ASPM: variants seen among roughly 807,000 people sequenced by gnomAD.
ASPM encodes the protein assembly factor for spindle microtubules, also known as abnormal spindle-like microcephaly-associated protein.
In ASPM, 256 loss-of-function variants were observed where a neutral mutation model predicts 366.4. The ratio of observed to expected loss-of-function variants is 0.70; its 90% CI spans 0.63 to 0.77. The LOEUF (loss-of-function observed/expected upper bound fraction) is 0.77. Ranked by LOEUF, ASPM falls within the 30% of genes least tolerant of loss-of-function variation. The probability of loss-of-function intolerance (pLI) is 0.00; values close to 1 mark genes in which losing one functional copy is unlikely to be tolerated. For missense variants in ASPM, 4,146 were observed against 4,090.4 expected, an observed-to-expected ratio of 1.01 and a Z score of -0.37; for synonymous variants, 1,414 against 1,342.9, an observed-to-expected ratio of 1.05 and a Z score of -1.16.
At chr1:197,111,753 A>T (rs1301669065) in intron 17 of ASPM, among the ~76,000 whole-genome samples, 1 of 152,102 alleles carries the variant, frequency 6.6e-6, no homozygotes, top group African/African-American at 2.4e-5. Flanking sequence ...GCCAACAATC[A>T]TATGGAAAAA....
intron 4 of ASPM, among the ~76,000 whole-genome samples, chr1:197,137,873 C>T (rs1658469739): frequency 6.6e-6 from 1 of 152,146 alleles, no homozygotes; most frequent in African/African-American, 2.4e-5. Context: ...TCTCATTGTA[C>T]TCTGATTTTC....
chr1:197,117,111 T>G (rs891771808), intron 17 of ASPM, among the ~76,000 whole-genome samples: 1 of 152,114 alleles, frequency 6.6e-6, no homozygotes, highest in Non-Finnish European at 1.5e-5. Flanking sequence ...ATTATTTAAG[T>G]CAGAGAACCC....
In ASPM at chr1:197,142,515, TC is replaced by T. The variant is rs1171229836; in HGVS notation, c.1736del (p.Gly579GlufsTer8). On this transcript the variant is annotated frameshift_variant, in exon 3 of 28. Transcript: ENST00000367409. LOFTEE classifies it high-confidence loss of function. ...CTCTCACATTTGCATCTTCCATGCT[TC>T]CATCGCTCTTTCTTTTCCGAGCAAC... ...ASVARKRKSD[G>X]SMEDANVRVA... 6.2e-7 allele frequency: 1 copy of T among 1,613,946 alleles called. No individual in the cohort carries two copies. The highest frequency in any genetic ancestry group is 1.3e-5 in the African/African-American group (1 of 74,940).
chr1:197,101,736 A>G lies in ASPM; in HGVS notation c.7515T>C (p.His2505=), dbSNP rs778968425. The G allele has an allele frequency of 6.2e-7, 1 of 1,612,268 alleles. No homozygotes were observed. The highest frequency in any genetic ancestry group is 1.1e-5 in the South Asian group (1 of 91,046). The change falls in exon 18 of 28, where the codon CAT becomes CAC. Residue 2505 remains histidine (H), a synonymous_variant. Coordinates refer to ENST00000367409, the MANE Select transcript of ASPM (RefSeq NM_018136.5). ...AATGTTGCTGAATTAGAATTGAAGCATGTTTCCAAGTCTGAAATGTAATAT... is the reference window on the plus strand; with the variant it reads ...AATGTTGCTGAATTAGAATTGAAGCGTGTTTCCAAGTCTGAAATGTAATAT... The part of the protein sequence containing the change: ...RTYITFQTWK[H]ASILIQQHYR...
chr1:197,088,386 T>C lies in ASPM; in HGVS notation c.10031A>G (p.Asp3344Gly). The change falls in exon 26 of 28, where the codon GAT (aspartate) becomes GGT (glycine). Residue 3344 changes from aspartate to glycine, a missense_variant. Asp to Gly is a moderately conservative substitution (Grantham distance 94). This residue lies in a region of ASPM where 3,624 missense variants were observed against 3,591.7 expected (regional missense o/e 1.01). Transcript: ENST00000367409. ...SAVYDVENCI[D>G]ILLELLQIYR... ...TATCTGCAAAAGCTCCAATAGTATATCTATACAATTTTCTACATCATAAAC... is the reference window on the plus strand; with the variant it reads ...TATCTGCAAAAGCTCCAATAGTATACCTATACAATTTTCTACATCATAAAC... 3 of 1,609,998 alleles carry C rather than the reference T, an allele frequency of 1.9e-6. No individual in the cohort carries two copies. The highest frequency in any genetic ancestry group is 2.5e-6 in the Non-Finnish European group (3 of 1,176,922).
In ASPM at chr1:197,102,062, C is replaced by A. The variant is rs550649564; in HGVS notation, c.7189G>T (p.Gly2397Cys). ...TTCAAATGTCTTCTAGTTTTCATAC[C>A]CCTGAATGCAGCCTGAAGGATCACA... ...SAVILQAAFR[G>C]MKTRRHLKSM... Residue 2397 changes from glycine (G) to cysteine (C), a missense_variant, in exon 18 of 28, where the codon GGT (glycine) becomes TGT (cysteine). Gly to Cys is a radical substitution (Grantham distance 159). Coordinates refer to ENST00000367409, the MANE Select transcript of ASPM (RefSeq NM_018136.5). 2.5e-6 allele frequency: 4 copies of A among 1,612,858 alleles called. No homozygotes were observed. In the South Asian group the frequency reaches 4.4e-5, roughly 18 times the overall value.
rs560904323 is a variant in ASPM at position 197,125,336 on chromosome 1, T to G, written c.2937-145A>C. ...AGACTTCAAAAAACTATCTCAAAAC[T>G]CTGTTGCTCCATAGTCGGCAAGTAG... On this transcript the variant is annotated intron_variant, in intron 10 of 27. Coordinates refer to ENST00000367409, the MANE Select transcript of ASPM (RefSeq NM_018136.5). 1.5e-5 allele frequency: 15 copies of G among 1,012,432 alleles called. No homozygotes were observed. In the South Asian group the frequency reaches 1.7e-4, roughly 12 times the overall value. 62.7% of individuals were successfully genotyped at this position (1,012,432 alleles called of 1,614,324 possible). A position where few individuals can be genotyped will look rare whatever the true frequency, so the allele number is the denominator to read the frequency against.
At position 197,093,167 on chromosome 1, in the gene ASPM, TG is replaced by T; in HGVS notation, c.9178del (p.Gln3060LysfsTer15). 1 of 1,612,676 alleles carries T rather than the reference TG, an allele frequency of 6.2e-7. No homozygotes were observed. Among genetic ancestry groups the T allele is most frequent in the Non-Finnish European group, 8.5e-7 (1 of 1,178,994 alleles). On this transcript the variant is annotated frameshift_variant, in exon 21 of 28. Coordinates refer to ENST00000367409, the MANE Select transcript of ASPM (RefSeq NM_018136.5). LOFTEE classifies it high-confidence loss of function. ...AGCCTCCCTGGCTCGTATATATTTT[TG>T]TATGATCAAAGCAGCAGATTTCTGC... The part of the protein sequence containing the change: ...LRQKSAALII[Q>X]KYIRAREAGK...
chr1:197,088,354 C>A lies in ASPM; in HGVS notation c.10063G>T (p.Glu3355Ter). The change falls in exon 26 of 28, where the codon GAA becomes TAA. Residue 3355 changes from glutamate to a stop codon, truncating the protein, a stop_gained. Coordinates refer to ENST00000367409, the MANE Select transcript of ASPM (RefSeq NM_018136.5). LOFTEE classifies it high-confidence loss of function. ...ILLELLQIYREKPGNKVADKG... is the reference protein window; with the variant it reads ...ILLELLQIYR ...TCTGCAACTTTATTACCAGGCTTTT[C>A]TCGGTATATCTGCAAAAGCTCCAAT... The A allele has an allele frequency of 1.2e-6, 2 of 1,612,722 alleles. No homozygotes were observed. The highest frequency in any genetic ancestry group is 1.7e-6 in the Non-Finnish European group (2 of 1,179,138).
intron 18 of ASPM, among the ~76,000 whole-genome samples, chr1:197,098,846 T>TCTAATA (rs1657064811): frequency 6.6e-6 from 1 of 151,626 alleles, no homozygotes; most frequent in East Asian, 1.9e-4. Context: ...CAAATCAAAT[T>TCTAATA]CTAATACTCA....
chr1:197,125,306 C>T, intron 10 of ASPM, 115 bp from the exon 11 acceptor site: 2 of 1,268,442 alleles, frequency 1.6e-6, no homozygotes, highest in Non-Finnish European at 2.2e-6. Flanking sequence ...GCTTTATGAT[C>T]AGAAAGACTT....
chr1:197,118,166 G>A (rs981283220), intron 16 of ASPM, among the ~76,000 whole-genome samples, 183 bp from the exon 17 acceptor site: 7 of 152,078 alleles, frequency 4.6e-5, no homozygotes, highest in Non-Finnish European at 7.4e-5. Context: ...GCTGATAGGT[G>A]GGCTTGCAGA....
Position 197,100,595 on chromosome 1 carries a change from C to T in ASPM, c.8656G>A (p.Ala2886Thr). 6.2e-7 allele frequency: 1 copy of T among 1,611,942 alleles called. No homozygotes were observed. Among genetic ancestry groups the T allele is most frequent in the Non-Finnish European group, 8.5e-7 (1 of 1,178,792 alleles). Residue 2886 changes from alanine (A) to threonine (T), a missense_variant, in exon 18 of 28, where the codon GCA (alanine) becomes ACA (threonine). Physicochemically the swap from Ala to Thr is moderately conservative, Grantham distance 58. Transcript: ENST00000367409. The stretch of plus-strand genomic sequence containing the variant: ...CTGTAGTGATTTTGTAAAACCACTG[C>T]TGCTTTTCTATATAGTAAAAACTGT... ...RKQFLLYRKA[A>T]VVLQNHYRAF...
intron 23 of ASPM, 98 bp downstream of exon 23, chr1:197,090,752 G>A (rs1249166782): frequency 9.4e-6 from 11 of 1,172,832 alleles, no homozygotes; most frequent in Admixed American, 3.8e-5. Context: ...TAATGCGTTA[G>A]CTTTTTAAAA....
chr1:197,110,339 T>C (rs59560396), intron 17 of ASPM, among the ~76,000 whole-genome samples: 2,155 of 152,024 alleles, frequency 0.014, 49 homozygotes, highest in African/African-American at 0.046. Flanking sequence ...TTACAGCAAA[T>C]AGTGTTGGAA....
rs753188339 is a variant in ASPM, at chr1:197,101,698, C to T, written c.7553G>A (p.Arg2518Lys). Residue 2518 changes from arginine (R) to lysine (K), a missense_variant, in exon 18 of 28, where the codon AGA becomes AAA. Physicochemically the swap from Arg to Lys is conservative, Grantham distance 26 (BLOSUM62 2). This residue lies in a region of ASPM where 3,624 missense variants were observed against 3,591.7 expected (regional missense o/e 1.01). Coordinates refer to ENST00000367409, the MANE Select transcript of ASPM (RefSeq NM_018136.5). ...ATTTTCTCTTTGTAATTTTGCAGCT[C>T]TATATGTTCGATAATGTTGCTGAAT... ...ILIQQHYRTYRAAKLQRENYI... is the reference protein window; with the variant it reads ...ILIQQHYRTYKAAKLQRENYI... The T allele has an allele frequency of 1.2e-6, 2 of 1,612,188 alleles. No homozygotes were observed. Among genetic ancestry groups the T allele is most frequent in the Admixed American group, 3.3e-5 (2 of 59,766 alleles).
At chr1:197,108,344 A>T (rs1327659645) in intron 17 of ASPM, among the ~76,000 whole-genome samples, 3 of 152,120 alleles carry the variant, frequency 2.0e-5, no homozygotes, top group African/African-American at 7.2e-5. Flanking sequence ...TTATACTTAA[A>T]GAAACTATAG....
Position 197,117,881 on chromosome 1 carries a change from A to G in ASPM, c.3973T>C (p.Tyr1325His). Residue 1325 changes from tyrosine (Y) to histidine (H), a missense_variant, in exon 17 of 28, where the codon TAT (tyrosine) becomes CAT (histidine). By Grantham distance (83) the Tyr-to-His change is moderately conservative. Coordinates refer to ENST00000367409, the MANE Select transcript of ASPM (RefSeq NM_018136.5). ...CTCTGTGCTAAGACTCTTCGCCAAT[A>G]TTTCTGAATGACGAGTGCTGCATTA... is the stretch of plus-strand genomic sequence containing the variant. ...RVNAALVIQKYWRRVLAQRKL... is the reference protein window; with the variant it reads ...RVNAALVIQKHWRRVLAQRKL... 1 of 1,613,510 alleles carries G rather than the reference A, an allele frequency of 6.2e-7. No homozygotes were observed. Among genetic ancestry groups the G allele is most frequent in the Non-Finnish European group, 8.5e-7 (1 of 1,179,614 alleles).
chr1:197,090,200 G>A lies in ASPM; in HGVS notation c.9825C>T (p.His3275=), dbSNP rs1443343127. The change falls in exon 24 of 28, where the codon CAC becomes CAT. Residue 3275 remains histidine, a synonymous_variant. Coordinates refer to ENST00000367409, the MANE Select transcript of ASPM (RefSeq NM_018136.5). ...HLSAILEALK[H]LEVVTRLSPL... ...AACATGTTAACACAAACTAACCTAG[G>A]TGTTTTAAGGCCTCAAGAATGGCAG... The A allele has an allele frequency of 6.2e-7, 1 of 1,613,222 alleles. No individual in the cohort carries two copies. The highest frequency in any genetic ancestry group is 1.7e-5 in the Admixed American group (1 of 59,948).
Sources: allele counts gnomAD v4.1 joint callset (sites outside exome capture counted in the v4.1 genomes callset), GRCh38; gene constraint gnomAD v4.1.1; regional missense constraint gnomAD v4.1.1; transcripts MANE v1.5; gene names NCBI Gene and HGNC (gene_info 2026-07-23, HGNC 2026-07-21).